Variants in USP22 observed in about 807,000 individuals in gnomAD.
USP22 encodes the protein ubiquitin carboxyl-terminal hydrolase 22.
USP22 carries 22 observed loss-of-function variants against 68.1 expected under a neutral mutation model. That is an observed-to-expected ratio of 0.32 (90% CI 0.23 to 0.46). The LOEUF (loss-of-function observed/expected upper bound fraction) is 0.46. Ranked by LOEUF, USP22 falls within the 20% of genes least tolerant of loss-of-function variation. USP22 has a pLI of 1.00. For missense variants in USP22, 433 were observed against 695.8 expected (o/e 0.62, Z 4.25); for synonymous variants, 279 against 274.2 (o/e 1.02, Z -0.17).
intron 10 of USP22, 129 bp from the exon 11 acceptor site, chr17:21,005,119 C>T (rs1467274503): frequency 2.9e-6 from 3 of 1,050,662 alleles, no homozygotes; most frequent in Non-Finnish European, 4.2e-6. Context: ...CTTTATGCTT[C>T]AGGCAGAAAT....
chr17:21,004,783 GCA>G lies in USP22; in HGVS notation c.1385+143_1385+144del. The G allele has an allele frequency of 1.4e-5, 2 of 143,118 alleles. 1 individual carries two copies. The highest frequency in any genetic ancestry group is 2.8e-5 in the Non-Finnish European group (2 of 71,092). The allele number at this position is 143,118 out of a possible 1,614,324, so 8.9% of individuals were successfully genotyped here. A position where few individuals can be genotyped will look rare whatever the true frequency, so the allele number is the denominator to read the frequency against. Reference sequence around the variant, plus strand: ...GCGGCCTTTCCTAGTGGAGCTGCGGGCAGCCAATAGTGGAGCTGCGGGCAGCC... The same window carrying G: ...GCGGCCTTTCCTAGTGGAGCTGCGGGGCCAATAGTGGAGCTGCGGGCAGCC... On this transcript the variant is annotated intron_variant, in intron 11 of 12. Coordinates refer to ENST00000261497, the MANE Select transcript of USP22 (RefSeq NM_015276.2).
intron 3 of USP22, among the ~76,000 whole-genome samples, chr17:21,020,720 G>T (rs1398932179): frequency 1.3e-5 from 2 of 152,204 alleles, no homozygotes; most frequent in Non-Finnish European, 2.9e-5. Flanking sequence ...AACCACTCAG[G>T]GATGTCCAGA....
chr17:21,038,189 G>A (rs1228544213), intron 1 of USP22, among the ~76,000 whole-genome samples: 1 of 152,112 alleles, frequency 6.6e-6, no homozygotes, highest in Non-Finnish European at 1.5e-5. Context: ...AAGGCCAGGA[G>A]TTCAAGACCA....
intron 1 of USP22, chr17:21,042,209 C>T (rs529943796): frequency 6.5e-6 from 1 of 154,506 alleles, no homozygotes; most frequent in African/African-American, 2.4e-5. Flanking sequence ...AGGAGAGTTC[C>T]CCGCAAGGAC....
chr17:21,039,923 G>A (rs1488170267), intron 1 of USP22, among the ~76,000 whole-genome samples: 2 of 152,126 alleles, frequency 1.3e-5, no homozygotes, highest in Non-Finnish European at 2.9e-5. Context: ...CCAAAAATAT[G>A]GCTGGGCTCA....
intron 1 of USP22, among the ~76,000 whole-genome samples, chr17:21,041,743 G>A (rs924031942): frequency 1.3e-5 from 2 of 152,166 alleles, no homozygotes; most frequent in African/African-American, 4.8e-5. Flanking sequence ...CTACAAAAGC[G>A]CGTGAAACTG....
intron 4 of USP22, 90 bp from the exon 5 acceptor site, chr17:21,018,201 C>T (rs1972111392): frequency 7.8e-7 from 1 of 1,285,686 alleles, no homozygotes; most frequent in South Asian, 1.6e-5. Flanking sequence ...CCTCTACATA[C>T]TCATTTTCTT....
At chr17:21,025,982 A>C (rs4613123) in intron 2 of USP22, among the ~76,000 whole-genome samples, 1 of 152,110 alleles carries the variant, frequency 6.6e-6, no homozygotes, top group Admixed American at 6.5e-5. Context: ...TAATAGGGCC[A>C]GGCGCGGTGG....
intron 1 of USP22, among the ~76,000 whole-genome samples, chr17:21,036,861 C>T (rs1038353065): frequency 2.6e-5 from 4 of 152,114 alleles, no homozygotes; most frequent in African/African-American, 9.7e-5. Context: ...CCAGGATATC[C>T]CAGTAATGAT....
chr17:21,012,607 A>G (rs1263772240), intron 7 of USP22, among the ~76,000 whole-genome samples: 3 of 151,788 alleles, frequency 2.0e-5, no homozygotes, highest in African/African-American at 7.3e-5. Context: ...AACAGCCAAG[A>G]CCTCAACACG....
chr17:21,036,076 TCAATGGATA>T (rs1293515087), intron 1 of USP22, among the ~76,000 whole-genome samples: 4 of 138,716 alleles, frequency 2.9e-5, no homozygotes, highest in African/African-American at 1.1e-4. Context: ...TTCAATCCAC[TCAATGGATA>T]CAATGGATAT....
chr17:21,031,542 ATCTC>A (rs1034868480), intron 1 of USP22, among the ~76,000 whole-genome samples: 3 of 148,190 alleles, frequency 2.0e-5, no homozygotes, highest in African/African-American at 7.9e-5. Context: ...ATTATAGTCT[ATCTC>A]TACTACACAA....
intron 4 of USP22, 66 bp downstream of exon 4, chr17:21,019,018 A>G: frequency 6.6e-7 from 1 of 1,525,062 alleles, no homozygotes; most frequent in South Asian, 1.1e-5. Flanking sequence ...AGAAACCCAC[A>G]ATTCTGTATT....
intron 1 of USP22, among the ~76,000 whole-genome samples, chr17:21,029,657 G>A (rs1297555207): frequency 1.3e-5 from 2 of 152,204 alleles, no homozygotes; most frequent in African/African-American, 4.8e-5. Context: ...ACAGATGAGT[G>A]GATGAACAAA....
chr17:21,038,412 G>A (rs1185834549), intron 1 of USP22, among the ~76,000 whole-genome samples: 1 of 151,678 alleles, frequency 6.6e-6, no homozygotes, highest in African/African-American at 2.4e-5. Context: ...GCTCATGCCT[G>A]TAATGCCAGC....
intron 8 of USP22, among the ~76,000 whole-genome samples, chr17:21,010,489 C>G (rs1913925074): frequency 6.6e-6 from 1 of 151,826 alleles, no homozygotes; most frequent in African/African-American, 2.4e-5. Context: ...CTAGCCTGGC[C>G]AACATGGTAA....
At chr17:21,027,180 C>T (rs1326395281) in intron 2 of USP22, among the ~76,000 whole-genome samples, 4 of 149,058 alleles carry the variant, frequency 2.7e-5, no homozygotes, top group Non-Finnish European at 3.0e-5. Context: ...GTGGTCCCAA[C>T]GAGAGGCTGA....
intron 9 of USP22, 143 bp from the exon 10 acceptor site, chr17:21,007,130 TAC>T: frequency 1.4e-6 from 1 of 697,728 alleles, no homozygotes; most frequent in Non-Finnish European, 2.3e-6. Flanking sequence ...CATCTAGAAT[TAC>T]AGATTCAAAA....
At chr17:21,020,051 T>C (rs761684019) in intron 3 of USP22, among the ~76,000 whole-genome samples, 6 of 151,888 alleles carry the variant, frequency 4.0e-5, no homozygotes, top group Non-Finnish European at 8.8e-5. Flanking sequence ...CTCAAAACAC[T>C]GGGGTGTTTT....
Sources: allele counts gnomAD v4.1 joint callset (sites outside exome capture counted in the v4.1 genomes callset), GRCh38; gene constraint gnomAD v4.1.1; transcripts MANE v1.5; gene names NCBI Gene and HGNC (gene_info 2026-07-23, HGNC 2026-07-21).